Variants in BICC1 observed in about 807,000 individuals in gnomAD.
BICC1 encodes protein bicaudal C homolog 1.
Under a neutral mutation model 111.0 loss-of-function variants are expected in BICC1, and 43 were observed. The observed-to-expected ratio is 0.39, with a 90% confidence interval of 0.30 to 0.50. The LOEUF (loss-of-function observed/expected upper bound fraction) is 0.50, where lower values mean the gene tolerates loss of function less well. Among genes scored for constraint, BICC1 ranks in the 20% least tolerant of loss-of-function variants. The probability of loss-of-function intolerance (pLI) is 0.88; values close to 1 mark genes in which losing one functional copy is unlikely to be tolerated. For synonymous variants in BICC1, 467 were observed against 434.4 expected, an observed-to-expected ratio of 1.07 and a Z score of -0.93; for missense variants, 1,091 against 1,203.2, an observed-to-expected ratio of 0.91 and a Z score of 1.38.
At chr10:58,675,390 G>A (rs990114803) in intron 2 of BICC1, among the ~76,000 whole-genome samples, 1 of 151,982 alleles carries the variant, frequency 6.6e-6, no homozygotes, top group Admixed American at 6.6e-5. Flanking sequence ...GAAGATGAAT[G>A]GATAAAGAAA....
chr10:58,568,521 G>A (rs1843840790), intron 1 of BICC1, among the ~76,000 whole-genome samples: 1 of 152,020 alleles, frequency 6.6e-6, no homozygotes, highest in Middle Eastern at 3.2e-3. Flanking sequence ...ATTAAACTGA[G>A]AACTCCTTCT....
chr10:58,569,850 A>G (rs1589107413), intron 1 of BICC1, among the ~76,000 whole-genome samples: 1 of 152,138 alleles, frequency 6.6e-6, no homozygotes, highest in Non-Finnish European at 1.5e-5. Flanking sequence ...TACAGTAAAC[A>G]TATGTGTGCA....
At chr10:58,606,313 T>C (rs537596318) in intron 1 of BICC1, among the ~76,000 whole-genome samples, 11 of 152,024 alleles carry the variant, frequency 7.2e-5, no homozygotes, top group Middle Eastern at 3.4e-3. Flanking sequence ...GTAATTTTTT[T>C]CCCCTTGCAA....
In BICC1 at chr10:58,766,133, A is replaced by T. The variant is rs570410635; in HGVS notation, c.308-18868A>T. The stretch of plus-strand genomic sequence containing the variant: ...GAAGGTCTTGATAGTTTCTGGCAGG[A>T]CAGTGGTATCACTCTCCAGTTATAT... On this transcript the variant is annotated intron_variant, in intron 3 of 20. Transcript: ENST00000373886. 3.3e-5 allele frequency among the ~76,000 whole-genome samples: 5 copies of T among 152,288 alleles called. No homozygotes were observed. The South Asian group carries it at 8.3e-4, about 25-fold the overall frequency.
chr10:58,820,502 C>A, intron 20 of BICC1, 34 bp downstream of exon 20: 1 of 1,459,038 alleles, frequency 6.9e-7, no homozygotes, highest in Non-Finnish European at 9.6e-7. Flanking sequence ...ATGTTAAAAT[C>A]TGAATAACCT....
chr10:58,771,235 C>G lies in BICC1; in HGVS notation c.308-13766C>G, dbSNP rs577214722. Among the ~76,000 whole-genome samples, 6 of 152,126 alleles carry G rather than the reference C, an allele frequency of 3.9e-5. No homozygotes were observed. In the East Asian group the frequency reaches 1.2e-3, roughly 29 times the overall value. On this transcript the variant is annotated intron_variant, in intron 3 of 20. Transcript: ENST00000373886. ...GCTGTGCCAGAGTCTGAAGGGCTGT[C>G]ATGGATATGCTAAGGGGATGACATT...
At chr10:58,802,035 C>T (rs1843562522) in intron 14 of BICC1, among the ~76,000 whole-genome samples, 1 of 152,182 alleles carries the variant, frequency 6.6e-6, no homozygotes, top group South Asian at 2.1e-4. Context: ...TGCCTCCAGT[C>T]TTTTATTAGC....
intron 1 of BICC1, among the ~76,000 whole-genome samples, chr10:58,524,578 T>A (rs1012267836): frequency 6.6e-6 from 1 of 152,224 alleles, no homozygotes; most frequent in Admixed American, 6.5e-5. Flanking sequence ...GATTAAAGAC[T>A]TAAATATTAG....
intron 20 of BICC1, 83 bp from the exon 21 acceptor site, chr10:58,828,678 A>G: frequency 1.4e-6 from 2 of 1,438,982 alleles, no homozygotes; most frequent in Non-Finnish European, 9.3e-7. Context: ...CCACGTCACC[A>G]TTTTCTGAGC....
At chr10:58,608,123 T>C (rs931663418) in intron 1 of BICC1, among the ~76,000 whole-genome samples, 4 of 152,190 alleles carry the variant, frequency 2.6e-5, no homozygotes, top group African/African-American at 9.6e-5. Flanking sequence ...AACCCCTTTG[T>C]GGGTGTTCTG....
At chr10:58,557,210 A>G (rs1007065518) in intron 1 of BICC1, among the ~76,000 whole-genome samples, 1 of 151,860 alleles carries the variant, frequency 6.6e-6, no homozygotes, top group Non-Finnish European at 1.5e-5. Flanking sequence ...TCTGGCTTGC[A>G]TTGTTTCTGA....
At chr10:58,698,601 C>A (rs1840135798) in intron 2 of BICC1, among the ~76,000 whole-genome samples, 1 of 152,160 alleles carries the variant, frequency 6.6e-6, no homozygotes, top group Non-Finnish European at 1.5e-5. Context: ...CTTATCTTCT[C>A]CCTTGTTAGA....
intron 1 of BICC1, among the ~76,000 whole-genome samples, chr10:58,573,637 C>G (rs1844027180): frequency 6.6e-6 from 1 of 152,072 alleles, no homozygotes; most frequent in South Asian, 2.1e-4. Flanking sequence ...TGAATTCTGC[C>G]TCACATGCAA....
At chr10:58,775,692 A>G (rs1842732477) in intron 3 of BICC1, among the ~76,000 whole-genome samples, 1 of 152,216 alleles carries the variant, frequency 6.6e-6, no homozygotes, top group Non-Finnish European at 1.5e-5. Context: ...GGAGAGGAAT[A>G]GGCATATTGT....
In BICC1 at chr10:58,787,067, GA is replaced by G; in HGVS notation, c.538del (p.Ser180AlafsTer6). Reference protein sequence around the residue: ...FPDSNRNNQAEKSNQVSIAGQ... With the variant: ...FPDSNRNNQAXKSNQVSIAGQ... The stretch of plus-strand genomic sequence containing the variant: ...AGATTCCAACAGGAATAACCAAGCA[GA>G]AAAAAGCAACCAGGTGGTTTGTCTT... On this transcript the variant is annotated frameshift_variant, in exon 5 of 21. Transcript: ENST00000373886. LOFTEE classifies it high-confidence loss of function. 1 of 1,580,938 alleles carries G rather than the reference GA, an allele frequency of 6.3e-7. No individual in the cohort carries two copies. The highest frequency in any genetic ancestry group is 1.4e-5 in the African/African-American group (1 of 72,424).
chr10:58,789,632 T>A (rs1206943687), intron 7 of BICC1, 50 bp from the exon 8 acceptor site: 1 of 1,600,782 alleles, frequency 6.2e-7, no homozygotes. Flanking sequence ...TTTCCCCGTA[T>A]ATGAACAGTT....
intron 2 of BICC1, among the ~76,000 whole-genome samples, chr10:58,694,434 TG>T (rs758235643): frequency 4.6e-5 from 7 of 152,166 alleles, no homozygotes; most frequent in Non-Finnish European, 1.0e-4. Context: ...CAGTGAAATT[TG>T]TATTTGATGC....
intron 2 of BICC1, among the ~76,000 whole-genome samples, chr10:58,696,857 G>C (rs1840078339): frequency 6.6e-6 from 1 of 152,244 alleles, no homozygotes; most frequent in African/African-American, 2.4e-5. Context: ...TTGGTTTTGT[G>C]GTGGTGAAAA....
chr10:58,758,914 T>C (rs1014453209), intron 3 of BICC1, among the ~76,000 whole-genome samples: 10 of 150,096 alleles, frequency 6.7e-5, no homozygotes, highest in Non-Finnish European at 8.9e-5. Flanking sequence ...CCAAGGACAG[T>C]ATCTTTGATC....
Sources: allele counts gnomAD v4.1 joint callset (sites outside exome capture counted in the v4.1 genomes callset), GRCh38; gene constraint gnomAD v4.1.1; transcripts MANE v1.5; gene names NCBI Gene and HGNC (gene_info 2026-07-23, HGNC 2026-07-21).